The following SUB1 variants were observed in gnomAD, a reference collection of about 807,000 sequenced individuals.
The protein encoded by SUB1 is SUB1 regulator of transcription.
In SUB1, 1 loss-of-function variant was observed where a neutral mutation model predicts 16.9. That is an observed-to-expected ratio of 0.06 (90% confidence interval 0.02 to 0.28). The LOEUF is 0.28. SUB1 is among the 10% of genes least tolerant of loss of function. The probability of loss-of-function intolerance (pLI) is 1.00; values close to 1 mark genes in which losing one functional copy is unlikely to be tolerated. For missense variants in SUB1, 84 were observed against 145.2 expected, an observed-to-expected ratio of 0.58 and a Z score of 2.16; for synonymous variants, 51 against 46.9, an observed-to-expected ratio of 1.09 and a Z score of -0.36.
At chr5:32,589,306 C>CA (rs1157905177) in intron 2 of SUB1, among the ~76,000 whole-genome samples, 1 of 152,084 alleles carries the variant, frequency 6.6e-6, no homozygotes, top group Non-Finnish European at 1.5e-5. Context: ...AGGCTGGTCT[C>CA]AAACTCCTGG....
intron 3 of SUB1, among the ~76,000 whole-genome samples, chr5:32,593,929 C>T (rs1271874506): frequency 6.6e-6 from 1 of 152,014 alleles, no homozygotes; most frequent in Non-Finnish European, 1.5e-5. Flanking sequence ...CTTGACCTCG[C>T]CATCTGCCTG....
In SUB1 at chr5:32,603,887, C is replaced by G. The variant is rs983934833; in HGVS notation, c.*2803C>G. 3.6e-5 allele frequency: 5 copies of G among 140,488 alleles called. No homozygotes were observed. Among genetic ancestry groups the G allele is most frequent in the Admixed American group, 1.5e-4 (2 of 13,632 alleles). 8.7% of individuals were successfully genotyped at this position (140,488 alleles called of 1,614,324 possible). A position where few individuals can be genotyped will look rare whatever the true frequency, so the allele number is the denominator to read the frequency against. ...ATGGCAGTTAATCCAGTGAAACACT[C>G]AAAAGTTTTTTTTTTTTTAAAAGTG... On this transcript the variant is annotated 3_prime_UTR_variant, in exon 5 of 5. Coordinates refer to ENST00000265073, the MANE Select transcript of SUB1 (RefSeq NM_006713.4).
At chr5:32,595,481 G>A (rs963894148) in intron 3 of SUB1, 1 of 152,190 alleles carries the variant, frequency 6.6e-6, no homozygotes, top group African/African-American at 2.4e-5. Context: ...GTTGAGATTA[G>A]TTCTTGTTGC....
chr5:32,599,204 G>T, intron 4 of SUB1, 135 bp downstream of exon 4: 1 of 655,060 alleles, frequency 1.5e-6, no homozygotes. Flanking sequence ...ATCTTCTGTA[G>T]TTATTTTGGA....
intron 3 of SUB1, chr5:32,595,163 G>C (rs1002878282): frequency 2.7e-5 from 4 of 150,346 alleles, no homozygotes; most frequent in Non-Finnish European, 5.9e-5. Context: ...CCAAGGGAGA[G>C]GCAGCTGTTG....
intron 2 of SUB1, among the ~76,000 whole-genome samples, 182 bp downstream of exon 2, chr5:32,588,766 G>A (rs993812588): frequency 4.6e-5 from 7 of 152,196 alleles, no homozygotes; most frequent in African/African-American, 1.7e-4. Flanking sequence ...GAGGCCAAGA[G>A]TTCAAGACCA....
intron 3 of SUB1, chr5:32,597,981 A>G (rs927270789): frequency 6.6e-6 from 1 of 152,212 alleles, no homozygotes; most frequent in Non-Finnish European, 1.5e-5. Context: ...TGTTAATAAA[A>G]TATGTCATCT....
chr5:32,595,419 A>AATGG (rs1267052133), intron 3 of SUB1: 2 of 152,240 alleles, frequency 1.3e-5, no homozygotes, highest in Non-Finnish European at 2.9e-5. Flanking sequence ...ACTTTGTATA[A>AATGG]ATGGATACAT....
intron 3 of SUB1, chr5:32,596,944 TCTGA>T (rs939620397): frequency 5.3e-5 from 8 of 152,220 alleles, no homozygotes; most frequent in African/African-American, 1.7e-4. Flanking sequence ...AAGTTCTCAA[TCTGA>T]CTGTGAGTGA....
chr5:32,600,203 A>G lies in SUB1; in HGVS notation c.305-802A>G, dbSNP rs370530356. Among the ~76,000 whole-genome samples, 7 of 152,344 alleles carry G rather than the reference A, an allele frequency of 4.6e-5. No homozygotes were observed. The East Asian group carries it at 7.7e-4, about 17-fold the overall frequency. ...ATTTTAACCCTGATAGGGTGACCCTAGAGTGCAGTTACCCGGGTATACTCT... is the reference window on the plus strand; with the variant it reads ...ATTTTAACCCTGATAGGGTGACCCTGGAGTGCAGTTACCCGGGTATACTCT... On this transcript the variant is annotated intron_variant, in intron 4 of 4. Transcript: ENST00000265073.
chr5:32,587,055 T>C (rs1472371583), intron 1 of SUB1, among the ~76,000 whole-genome samples: 1 of 152,220 alleles, frequency 6.6e-6, no homozygotes, highest in Non-Finnish European at 1.5e-5. Flanking sequence ...CAGTGTGTGA[T>C]GTGTTTATTA....
chr5:32,592,157 C>T lies in SUB1; in HGVS notation c.195+472C>T, dbSNP rs141601229. ...AACAAACTAGTAAAAGTATTTTGTA[C>T]GATGCTGGATTATTGTTAAAGTCTC... On this transcript the variant is annotated intron_variant, in intron 3 of 4. Transcript: ENST00000265073. Among the ~76,000 whole-genome samples, 443 of 152,256 alleles carry T rather than the reference C, an allele frequency of 2.9e-3. 1 individual carries two copies. The highest frequency in any genetic ancestry group is 6.7e-3 in the Admixed American group (102 of 15,288).
chr5:32,600,873 G>C lies in SUB1; in HGVS notation c.305-132G>C, dbSNP rs1224091162. 5.7e-6 allele frequency: 4 copies of C among 706,908 alleles called. No homozygotes were observed. The Admixed American group carries it at 1.0e-4, about 18-fold the overall frequency. The allele number at this position is 706,908 out of a possible 1,614,324, so 43.8% of individuals were successfully genotyped here. On this transcript the variant is annotated intron_variant, in intron 4 of 4. Transcript: ENST00000265073. ...ACCCGCCTTGGCCTCCCAAAGTGCT[G>C]GGATTACAGGTGTGAGCCACCGCGC...
At position 32,601,816 on chromosome 5, in the gene SUB1, T is replaced by C. The variant is rs2111691747; in HGVS notation, c.*732T>C. On this transcript the variant is annotated 3_prime_UTR_variant, in exon 5 of 5. Coordinates refer to ENST00000265073, the MANE Select transcript of SUB1 (RefSeq NM_006713.4). ...TTACCCATAGTGTTCTGTGTAGTTA[T>C]TGCTTAGTCTGCAGAAAATAATGAC... The C allele has an allele frequency of 6.2e-6, 1 of 160,680 alleles. No individual in the cohort carries two copies. The highest frequency in any genetic ancestry group is 1.8e-4 in the East Asian group (1 of 5,532). 10.0% of individuals were successfully genotyped at this position (160,680 alleles called of 1,614,324 possible).
chr5:32,589,821 G>A (rs990270990), intron 2 of SUB1, among the ~76,000 whole-genome samples: 1 of 151,724 alleles, frequency 6.6e-6, no homozygotes, highest in African/African-American at 2.4e-5. Flanking sequence ...TGTGATTTCC[G>A]AAAGTTTATT....
chr5:32,600,367 G>A lies in SUB1; in HGVS notation c.305-638G>A, dbSNP rs1393171145. 5.9e-5 allele frequency among the ~76,000 whole-genome samples: 9 copies of A among 152,194 alleles called. No individual in the cohort carries two copies. The East Asian group carries it at 1.7e-3, about 29-fold the overall frequency. ...TGGAACCAGCTGGAAATATAGTAAT[G>A]GGGTATCACATGCCAAATCTGGACC... On this transcript the variant is annotated intron_variant, in intron 4 of 4. Coordinates refer to ENST00000265073, the MANE Select transcript of SUB1 (RefSeq NM_006713.4).
At position 32,602,283 on chromosome 5, in the gene SUB1, T is replaced by C. The variant is rs1166841850; in HGVS notation, c.*1199T>C. Reference sequence around the variant, plus strand: ...AGGAAAAGAATGTTTATAAAGGGAATTATAACTGAAATTAAAGGAGGCGGC... The same window carrying C: ...AGGAAAAGAATGTTTATAAAGGGAACTATAACTGAAATTAAAGGAGGCGGC... On this transcript the variant is annotated 3_prime_UTR_variant, in exon 5 of 5. Transcript: ENST00000265073. 1 of 450,282 alleles carries C rather than the reference T, an allele frequency of 2.2e-6. No individual in the cohort carries two copies. Among genetic ancestry groups the C allele is most frequent in the Admixed American group, 2.4e-5 (1 of 41,182 alleles). The allele number at this position is 450,282 out of a possible 1,614,324, so 27.9% of individuals were successfully genotyped here.
In SUB1 at chr5:32,601,873, T is replaced by C. The variant is rs1300997925; in HGVS notation, c.*789T>C. 1.2e-5 allele frequency: 2 copies of C among 161,550 alleles called. No homozygotes were observed. Among genetic ancestry groups the C allele is most frequent in the East Asian group, 1.8e-4 (1 of 5,548 alleles). 10.0% of individuals were successfully genotyped at this position (161,550 alleles called of 1,614,324 possible). ...GAGATGTCTGACTTGCTTTCACTTA[T>C]TAAACATGTTCACCATGGGATGATG... On this transcript the variant is annotated 3_prime_UTR_variant, in exon 5 of 5. Transcript: ENST00000265073.
In SUB1 at chr5:32,602,965, G is replaced by A. The variant is rs1353299333; in HGVS notation, c.*1881G>A. On this transcript the variant is annotated 3_prime_UTR_variant, in exon 5 of 5. Coordinates refer to ENST00000265073, the MANE Select transcript of SUB1 (RefSeq NM_006713.4). Reference sequence around the variant, plus strand: ...AAGGGTAGTTCGAGTACAGAACTTTGATTTTTGGTGTAGATGCAGAGGGAA... The same window carrying A: ...AAGGGTAGTTCGAGTACAGAACTTTAATTTTTGGTGTAGATGCAGAGGGAA... The A allele has an allele frequency of 6.6e-6, 1 of 152,064 alleles. No homozygotes were observed. The highest frequency in any genetic ancestry group is 1.5e-5 in the Non-Finnish European group (1 of 67,954). The allele number at this position is 152,064 out of a possible 1,614,324, so 9.4% of individuals were successfully genotyped here. A position where few individuals can be genotyped will look rare whatever the true frequency, so the allele number is the denominator to read the frequency against.
Sources: gnomAD v4.1 joint callset for allele counts (sites outside exome capture counted in the v4.1 genomes callset) on GRCh38, gnomAD v4.1.1 for gene constraint, MANE v1.5 for transcripts, NCBI Gene and HGNC (gene_info 2026-07-23, HGNC 2026-07-21) for gene names.